SIPA1L3: variants seen among roughly 807,000 people sequenced by gnomAD.
SIPA1L3 encodes the protein signal induced proliferation associated 1 like 3.
Under a neutral mutation model 150.1 loss-of-function variants are expected in SIPA1L3, and 59 were observed. The observed-to-expected ratio is 0.39, with a 90% CI of 0.32 to 0.49. The LOEUF (loss-of-function observed/expected upper bound fraction) is 0.49. Among genes scored for constraint, SIPA1L3 ranks in the 20% least tolerant of loss-of-function variants. The pLI is 0.86. For synonymous variants in SIPA1L3, 1,070 were observed against 1,077.6 expected (o/e 0.99, Z 0.14); for missense variants, 2,211 against 2,489.5 (o/e 0.89, Z 2.38).
At chr19:38,121,370 G>A (rs970340876) in intron 9 of SIPA1L3, among the ~76,000 whole-genome samples, 26 of 151,808 alleles carry the variant, frequency 1.7e-4, no homozygotes, top group African/African-American at 6.1e-4. Context: ...CCCGGAAGGC[G>A]AGGCTTGCAG....
At chr19:37,921,749 C>T (rs537955470) in intron 1 of SIPA1L3, among the ~76,000 whole-genome samples, 17 of 151,806 alleles carry the variant, frequency 1.1e-4, no homozygotes, top group African/African-American at 3.4e-4. Context: ...CACAGGCATA[C>T]GCCACCACGC....
At chr19:38,042,754 A>G (rs1253487842) in intron 2 of SIPA1L3, among the ~76,000 whole-genome samples, 1 of 152,236 alleles carries the variant, frequency 6.6e-6, no homozygotes, top group East Asian at 1.9e-4. Flanking sequence ...ACTCACAAAT[A>G]GCTAGCTCAG....
intron 1 of SIPA1L3, among the ~76,000 whole-genome samples, chr19:37,960,629 G>T (rs1027523694): frequency 1.3e-5 from 2 of 151,502 alleles, no homozygotes; most frequent in South Asian, 4.2e-4. Context: ...GGATGGTCTC[G>T]ATCTCCTGAC....
intron 1 of SIPA1L3, among the ~76,000 whole-genome samples, chr19:37,940,205 C>T (rs540116124): frequency 2.4e-4 from 36 of 151,542 alleles, no homozygotes; most frequent in African/African-American, 8.7e-4. Context: ...TGCTTGAGCC[C>T]AGGAGGTCAA....
intron 17 of SIPA1L3, 27 bp downstream of exon 17, chr19:38,192,337 C>T (rs1342370745): frequency 1.9e-6 from 3 of 1,555,434 alleles, no homozygotes; most frequent in East Asian, 2.3e-5. Context: ...CCCCCGCTCC[C>T]GACCCCCAGC....
At chr19:38,158,360 C>G (rs981545313) in intron 13 of SIPA1L3, among the ~76,000 whole-genome samples, 6 of 152,190 alleles carry the variant, frequency 3.9e-5, no homozygotes, top group Non-Finnish European at 8.8e-5. Context: ...GGGATGAGAA[C>G]ATTCCAGGGA....
At chr19:38,117,157 C>T (rs1262034647) in intron 8 of SIPA1L3, among the ~76,000 whole-genome samples, 1 of 152,212 alleles carries the variant, frequency 6.6e-6, no homozygotes, top group Non-Finnish European at 1.5e-5. Flanking sequence ...CTCCTCCCAG[C>T]CCTGCTCACT....
intron 1 of SIPA1L3, among the ~76,000 whole-genome samples, chr19:37,916,409 A>T (rs1287000891): frequency 1.3e-5 from 2 of 149,780 alleles, no homozygotes; most frequent in Non-Finnish European, 3.0e-5. Flanking sequence ...CTGAGGTGAG[A>T]GGATCACTTG....
intron 15 of SIPA1L3, among the ~76,000 whole-genome samples, chr19:38,181,119 G>A (rs767465936): frequency 2.0e-4 from 30 of 152,246 alleles, no homozygotes; most frequent in Middle Eastern, 3.4e-3. Flanking sequence ...GACAAAATGC[G>A]ACAAATTTCC....
At chr19:38,200,908 CAA>C (rs1973073921) in intron 19 of SIPA1L3, 1 of 145,584 alleles carries the variant, frequency 6.9e-6, no homozygotes, top group Non-Finnish European at 1.5e-5. Context: ...GCCTGGGCAA[CAA>C]GAGCGAAACT....
chr19:38,093,105 C>T (rs1013984956), intron 4 of SIPA1L3, among the ~76,000 whole-genome samples: 164 of 152,160 alleles, frequency 1.1e-3, no homozygotes, highest in African/African-American at 3.7e-3. Flanking sequence ...GTGATCTACC[C>T]GCCTCAGCCT....
At chr19:38,138,779 T>TCCA (rs1330475983) in intron 10 of SIPA1L3, among the ~76,000 whole-genome samples, 31 of 150,818 alleles carry the variant, frequency 2.1e-4, no homozygotes, top group African/African-American at 7.6e-4. Context: ...ATGCCTGTAA[T>TCCA]CCCAGCTACT....
chr19:38,109,943 C>T (rs956710167), intron 7 of SIPA1L3: 11 of 378,242 alleles, frequency 2.9e-5, no homozygotes, highest in South Asian at 2.1e-4. Flanking sequence ...GAAGAGGTGA[C>T]GAAGGAAGCC....
intron 1 of SIPA1L3, among the ~76,000 whole-genome samples, chr19:37,936,091 A>G (rs1197193546): frequency 6.6e-6 from 1 of 152,190 alleles, no homozygotes; most frequent in Non-Finnish European, 1.5e-5. Context: ...AGGCAGAACC[A>G]GGGCTCTAAG....
intron 1 of SIPA1L3, among the ~76,000 whole-genome samples, chr19:37,972,511 T>A (rs1224339761): frequency 6.6e-6 from 1 of 152,060 alleles, no homozygotes; most frequent in Non-Finnish European, 1.5e-5. Flanking sequence ...GAGACCAGCT[T>A]GGGCAGCATA....
chr19:38,178,919 G>C (rs1408121182), intron 15 of SIPA1L3, among the ~76,000 whole-genome samples: 1 of 152,124 alleles, frequency 6.6e-6, no homozygotes, highest in African/African-American at 2.4e-5. Flanking sequence ...CCTACTCTTT[G>C]CTCCATTGAT....
At chr19:37,919,705 CTTTTTTTTTTTT>C (rs10644508) in intron 1 of SIPA1L3, among the ~76,000 whole-genome samples, 2 of 84,244 alleles carry the variant, frequency 2.4e-5, no homozygotes, top group East Asian at 7.8e-4. Context: ...GGCCCTGAGG[CTTTTTTTTTTTT>C]TTTTTTTTTT....
At chr19:38,102,133 G>A (rs1193401423) in intron 6 of SIPA1L3, among the ~76,000 whole-genome samples, 5 of 145,778 alleles carry the variant, frequency 3.4e-5, no homozygotes, top group Non-Finnish European at 7.5e-5. Flanking sequence ...TGCAACCTCC[G>A]CCTCCTAGGT....
At chr19:37,924,414 C>CTTTTTT (rs60960790) in intron 1 of SIPA1L3, among the ~76,000 whole-genome samples, 1 of 138,412 alleles carries the variant, frequency 7.2e-6, no homozygotes, top group African/African-American at 2.7e-5. Flanking sequence ...TGTTTTACAG[C>CTTTTTT]TTTTTTTTTT....
Sources: gnomAD v4.1 joint callset for allele counts (sites outside exome capture counted in the v4.1 genomes callset) on GRCh38, gnomAD v4.1.1 for gene constraint, MANE v1.5 for transcripts, NCBI Gene and HGNC (gene_info 2026-07-23, HGNC 2026-07-21) for gene names.